The following SSUH2 variants were observed in gnomAD, a reference collection of about 807,000 sequenced individuals.
The protein encoded by SSUH2 is protein SSUH2 homolog.
SSUH2 carries 47 observed loss-of-function variants against 55.3 expected under a neutral mutation model. That is an observed-to-expected ratio of 0.85 (90% CI 0.67 to 1.08). The LOEUF (loss-of-function observed/expected upper bound fraction) is 1.08. Among genes scored for constraint, SSUH2 ranks in the 50% least tolerant of loss-of-function variants. SSUH2 has a pLI of 0.00. For missense variants in SSUH2, 535 were observed against 490.7 expected, an observed-to-expected ratio of 1.09 and a Z score of -0.85; for synonymous variants, 212 against 191.5, an observed-to-expected ratio of 1.11 and a Z score of -0.89.
At chr3:8,644,851 G>T, upstream of SSUH2, 1 of 1,062,826 alleles carries the variant, frequency 9.4e-7, no homozygotes, top group Non-Finnish European at 1.4e-6. Context: ...TCCCAGAACA[G>T]CAGGCCCATT....
At chr3:8,620,288 C>G (rs1696148436) in intron 11 of SSUH2, among the ~76,000 whole-genome samples, 1 of 152,138 alleles carries the variant, frequency 6.6e-6, no homozygotes, top group Non-Finnish European at 1.5e-5. Flanking sequence ...CTCACGAGAT[C>G]TGATGGTTTT....
intron 5 of SSUH2, among the ~76,000 whole-genome samples, chr3:8,669,035 G>C (rs908884432): frequency 1.3e-5 from 2 of 151,646 alleles, no homozygotes; most frequent in Non-Finnish European, 2.9e-5. Context: ...AGGGAGGGAG[G>C]AACTCTTTTA....
At chr3:8,677,850 A>G (rs1705536563) in intron 2 of SSUH2, among the ~76,000 whole-genome samples, 1 of 150,510 alleles carries the variant, frequency 6.6e-6, no homozygotes, top group African/African-American at 2.4e-5. Context: ...AGCTCTCAGG[A>G]TCTGCGGTGG....
rs183076914 is a variant in SSUH2, at chr3:8,675,499, G to T, written c.-753+1707C>A. ...CCTACACCAGCACCTGGAGGACTGT[G>T]GGTATAAGGCGTCCAAGAAGAAAGC... On this transcript the variant is annotated intron_variant, in intron 3 of 18. Coordinates refer to the SSUH2 transcript ENST00000317371. Among the ~76,000 whole-genome samples the T allele has an allele frequency of 2.8e-4, 43 of 152,338 alleles. 1 individual carries two copies. The highest frequency in any genetic ancestry group is 2.4e-3 in the Admixed American group (37 of 15,302).
Position 8,620,016 on chromosome 3 carries a change from T to G in SSUH2, c.982-2A>C, listed in dbSNP as rs1431346368. ...GGGGATCAGCTCAATGGTCTGGCGC[T>G]GAGGAAACAAATAGCCAAGGAAAAT... On this transcript the variant is annotated splice_acceptor_variant, in intron 11 of 11. Coordinates refer to ENST00000544814, the MANE Select transcript of SSUH2 (RefSeq NM_001256748.3). LOFTEE classifies it high-confidence loss of function. 2 of 1,613,600 alleles carry G rather than the reference T, an allele frequency of 1.2e-6. No homozygotes were observed. The highest frequency in any genetic ancestry group is 1.7e-5 in the Admixed American group (1 of 59,940).
At chr3:8,680,739 A>T (rs1486989691) in intron 1 of SSUH2, among the ~76,000 whole-genome samples, 3 of 151,878 alleles carry the variant, frequency 2.0e-5, no homozygotes, top group African/African-American at 7.3e-5. Context: ...GGAGCATCTC[A>T]CACAGGGGTG....
At chr3:8,665,934 TG>T (rs1388030938) in intron 5 of SSUH2, among the ~76,000 whole-genome samples, 1 of 152,052 alleles carries the variant, frequency 6.6e-6, no homozygotes, top group African/African-American at 2.4e-5. Flanking sequence ...AAATGAGAAA[TG>T]ATGTTCACTA....
chr3:8,671,364 CAGAGTGTACACCCTCTGTGAT>C (rs2125408103), intron 4 of SSUH2, among the ~76,000 whole-genome samples: 1 of 152,032 alleles, frequency 6.6e-6, no homozygotes, highest in African/African-American at 2.4e-5. Flanking sequence ...GATAATATCA[CAGAGTGTACACCCTCTGTGAT>C]ACGAGGAGTC....
rs767932750 is a variant in SSUH2, at chr3:8,620,006, G to T, written c.990C>A (p.Thr330=). 3 of 1,613,984 alleles carry T rather than the reference G, an allele frequency of 1.9e-6. No homozygotes were observed. Among genetic ancestry groups the T allele is most frequent in the Non-Finnish European group, 1.7e-6 (2 of 1,179,910 alleles). The change falls in exon 12 of 12, where the codon ACC becomes ACA. Residue 330 remains threonine, a synonymous_variant. Coordinates refer to ENST00000544814, the MANE Select transcript of SSUH2 (RefSeq NM_001256748.3). ...SRARVLQQRQ[T]IELIPLTEVH... ...CTTCTGTGAGGGGGATCAGCTCAAT[G>T]GTCTGGCGCTGAGGAAACAAATAGC...
At chr3:8,639,056 G>A (rs761320810) in intron 1 of SSUH2, among the ~76,000 whole-genome samples, 17 of 152,234 alleles carry the variant, frequency 1.1e-4, no homozygotes, top group African/African-American at 3.6e-4. Flanking sequence ...AATTAATCTC[G>A]CCATTCTGTT....
At chr3:8,681,218 C>A (rs1705922719) in intron 1 of SSUH2, among the ~76,000 whole-genome samples, 1 of 145,792 alleles carries the variant, frequency 6.9e-6, no homozygotes, top group African/African-American at 2.5e-5. Flanking sequence ...TCTTCCCCCC[C>A]TGGCTCTCAG....
chr3:8,634,048 C>A (rs1335343948), intron 3 of SSUH2: 3 of 1,188,376 alleles, frequency 2.5e-6, no homozygotes, highest in Non-Finnish European at 3.5e-6. Flanking sequence ...AGGAGAAAAG[C>A]TGATAGAATC....
Position 8,635,863 on chromosome 3 carries a change from G to A in SSUH2, c.29-6C>T. 4 of 1,535,804 alleles carry A rather than the reference G, an allele frequency of 2.6e-6. No homozygotes were observed. Among genetic ancestry groups the A allele is most frequent in the Non-Finnish European group, 2.6e-6 (3 of 1,146,662 alleles). ...AAAACTGAGGTCCACCACACCTGCA[G>A]AAAGACAAGCATTCCTAAGCCTTGG... is the stretch of plus-strand genomic sequence containing the variant. On this transcript the variant is annotated splice_polypyrimidine_tract_variant and splice_region_variant and intron_variant, in intron 1 of 11. Transcript: ENST00000544814.
intron 1 of SSUH2, among the ~76,000 whole-genome samples, chr3:8,680,413 T>G (rs188452591): frequency 2.6e-5 from 4 of 152,190 alleles, no homozygotes; most frequent in Admixed American, 1.3e-4. Flanking sequence ...ATGAACTGTT[T>G]CACAGATGGG....
At chr3:8,679,750 T>C in exon 2 of SSUH2, 1 of 166,062 alleles carries the variant, frequency 6.0e-6, no homozygotes, top group Non-Finnish European at 1.2e-5. Context: ...AGCTCAGATC[T>C]GCGGAAGGCA....
rs7649403 is a variant in SSUH2 at position 8,626,796 on chromosome 3, C to T, written c.675-475G>A. On this transcript the variant is annotated intron_variant, in intron 8 of 11. Coordinates refer to ENST00000544814, the MANE Select transcript of SSUH2 (RefSeq NM_001256748.3). ...GAACCCCCTGCCTGCAAATGAAGCC[C>T]ACACAAAGGAAAGCAGAGTGAGAGG... 1,275 of 154,244 alleles carry T rather than the reference C, an allele frequency of 8.3e-3. 17 individuals carry two copies. The highest frequency in any genetic ancestry group is 0.029 in the African/African-American group (1,214 of 41,606). The allele number at this position is 154,244 out of a possible 1,614,324, so 9.6% of individuals were successfully genotyped here.
intron 5 of SSUH2, among the ~76,000 whole-genome samples, chr3:8,631,440 CT>C (rs1270456786): frequency 1.3e-5 from 2 of 152,122 alleles, no homozygotes; most frequent in African/African-American, 4.8e-5. Context: ...ATGATACATG[CT>C]TTGGACAAGA....
At chr3:8,623,908 C>A (rs1228601259) in intron 10 of SSUH2, among the ~76,000 whole-genome samples, 3 of 152,216 alleles carry the variant, frequency 2.0e-5, no homozygotes, top group East Asian at 1.9e-4. Context: ...GCGCTAGGTG[C>A]AGGACAAGGC....
chr3:8,667,540 G>C (rs999901875), intron 5 of SSUH2, among the ~76,000 whole-genome samples: 6 of 152,132 alleles, frequency 3.9e-5, no homozygotes, highest in African/African-American at 1.4e-4. Context: ...GAGTCACTCT[G>C]GTTCCAAAGC....
Sources: allele counts gnomAD v4.1 joint callset (sites outside exome capture counted in the v4.1 genomes callset), GRCh38; gene constraint gnomAD v4.1.1; transcripts MANE v1.5; gene names NCBI Gene and HGNC (gene_info 2026-07-23, HGNC 2026-07-21).